STXBP5L: variants seen among roughly 807,000 people sequenced by gnomAD.
STXBP5L encodes syntaxin binding protein 5L, also known as syntaxin-binding protein 5-like.
STXBP5L carries 65 observed loss-of-function variants against 144.5 expected under a neutral mutation model. That is an observed-to-expected ratio of 0.45 (90% CI 0.37 to 0.55). The LOEUF (loss-of-function observed/expected upper bound fraction) is 0.55. STXBP5L is among the 20% of genes least tolerant of loss of function. The pLI, the probability that STXBP5L is intolerant of heterozygous loss-of-function variation, is 0.00. For synonymous variants in STXBP5L, 505 were observed against 469.6 expected (o/e 1.08, Z -0.97); for missense variants, 1,298 against 1,405.5 (o/e 0.92, Z 1.22).
At chr3:121,346,275 C>T (rs2044973946) in intron 20 of STXBP5L, among the ~76,000 whole-genome samples, 1 of 152,044 alleles carries the variant, frequency 6.6e-6, no homozygotes, top group Non-Finnish European at 1.5e-5. Context: ...CTACAAAGGA[C>T]ATGAACTCAT....
chr3:121,262,138 C>T (rs534177426), intron 18 of STXBP5L, among the ~76,000 whole-genome samples: 1 of 152,308 alleles, frequency 6.6e-6, no homozygotes, highest in South Asian at 2.1e-4. Flanking sequence ...AAGGCCCCAA[C>T]TCTTAATACC....
chr3:121,026,964 A>C (rs971747662), intron 3 of STXBP5L, among the ~76,000 whole-genome samples: 2 of 151,898 alleles, frequency 1.3e-5, no homozygotes, highest in Admixed American at 6.6e-5. Context: ...CTCTGAGTAG[A>C]CTTCTTTCTA....
intron 3 of STXBP5L, among the ~76,000 whole-genome samples, chr3:120,987,843 T>C (rs1942447363): frequency 6.6e-6 from 1 of 151,894 alleles, no homozygotes; most frequent in African/African-American, 2.4e-5. Context: ...TTCCTTTTAT[T>C]TGCTTTCTGG....
rs566220337 is a variant in STXBP5L at position 121,407,294 on chromosome 3, G to A, written c.2639G>A (p.Arg880Gln). The change falls in exon 23 of 27, where the codon CGA (arginine) becomes CAA (glutamine). Residue 880 changes from arginine (R) to glutamine (Q), a missense_variant. By Grantham distance (43) the Arg-to-Gln change is conservative. Coordinates refer to ENST00000471454, the MANE Select transcript of STXBP5L (RefSeq NM_001308330.2). ...GAVLTFSCMD[R>Q]MGGLMQPPYE... ...GTGCTAACATTCTCCTGTATGGACCGAATGGGTGGATTAATGCAACCGCCA... is the reference window on the plus strand; with the variant it reads ...GTGCTAACATTCTCCTGTATGGACCAAATGGGTGGATTAATGCAACCGCCA... 1.9e-5 allele frequency: 30 copies of A among 1,609,872 alleles called. No individual in the cohort carries two copies. The highest frequency in any genetic ancestry group is 6.7e-5 in the East Asian group (3 of 44,828).
At chr3:121,367,595 GTTTTTTTTTTT>G (rs57288480) in intron 20 of STXBP5L, among the ~76,000 whole-genome samples, 8 of 51,336 alleles carry the variant, frequency 1.6e-4, no homozygotes, top group Non-Finnish European at 2.5e-4. Flanking sequence ...TTCGACTCTT[GTTTTTTTTTTT>G]TTTTTTTTTT....
chr3:121,345,670 G>T (rs2044932703), intron 20 of STXBP5L, among the ~76,000 whole-genome samples: 1 of 152,034 alleles, frequency 6.6e-6, no homozygotes, highest in Non-Finnish European at 1.5e-5. Context: ...TCCAGCATCT[G>T]TTGTTTCCTG....
In STXBP5L at chr3:121,162,971, T is replaced by A. The variant is rs1215095433; in HGVS notation, c.877+5344T>A. ...AATAGGAATGCTTTTACACTGTTGG[T>A]GGGAGTGTAAATTAGTTCAACCATT... On this transcript the variant is annotated intron_variant, in intron 9 of 26. Transcript: ENST00000471454. 2.0e-5 allele frequency among the ~76,000 whole-genome samples: 3 copies of A among 152,138 alleles called. No homozygotes were observed. In the East Asian group the frequency reaches 5.8e-4, roughly 29 times the overall value.
intron 20 of STXBP5L, 121 bp downstream of exon 20, chr3:121,318,661 T>C (rs997812456): frequency 1.6e-6 from 1 of 616,658 alleles, no homozygotes; most frequent in African/African-American, 1.9e-5. Context: ...ATTCCATTCA[T>C]TAAATTTACT....
intron 22 of STXBP5L, among the ~76,000 whole-genome samples, chr3:121,399,230 G>T (rs2046810419): frequency 6.6e-6 from 1 of 152,124 alleles, no homozygotes; most frequent in Non-Finnish European, 1.5e-5. Flanking sequence ...TTACCCTGAT[G>T]CTTCTGAGCT....
At chr3:121,367,652 A>G (rs2045904235) in intron 20 of STXBP5L, among the ~76,000 whole-genome samples, 1 of 132,332 alleles carries the variant, frequency 7.6e-6, no homozygotes, top group South Asian at 2.3e-4. Flanking sequence ...CACCCAGAAT[A>G]GAATGTAGTG....
At chr3:120,990,758 G>C (rs1042953897) in intron 3 of STXBP5L, among the ~76,000 whole-genome samples, 1 of 152,162 alleles carries the variant, frequency 6.6e-6, no homozygotes, top group Admixed American at 6.5e-5. Flanking sequence ...AGATGATGCT[G>C]GGAAAACTGG....
intron 2 of STXBP5L, among the ~76,000 whole-genome samples, chr3:120,916,024 C>G (rs1246731144): frequency 6.6e-6 from 1 of 152,070 alleles, no homozygotes; most frequent in Non-Finnish European, 1.5e-5. Flanking sequence ...ATAAACTGTT[C>G]TCAGCCAACT....
intron 11 of STXBP5L, among the ~76,000 whole-genome samples, 176 bp downstream of exon 11, chr3:121,223,333 G>A (rs1242015308): frequency 6.6e-6 from 1 of 152,208 alleles, no homozygotes; most frequent in Admixed American, 6.6e-5. Context: ...TAACACAGAT[G>A]TAGTACAGCA....
At chr3:121,321,926 T>C (rs534861962) in intron 20 of STXBP5L, among the ~76,000 whole-genome samples, 51 of 152,190 alleles carry the variant, frequency 3.4e-4, no homozygotes, top group Non-Finnish European at 6.6e-4. Context: ...GAAGCCAAGG[T>C]TTGAGATACA....
chr3:121,031,486 G>T (rs1040561984), intron 3 of STXBP5L, among the ~76,000 whole-genome samples: 2 of 151,956 alleles, frequency 1.3e-5, no homozygotes, highest in African/African-American at 4.8e-5. Flanking sequence ...AATCTGTAGG[G>T]CAGGTTGGCA....
rs143068079 is a variant in STXBP5L, at chr3:120,961,162, T to C, written c.287+6125T>C. On this transcript the variant is annotated intron_variant, in intron 3 of 26. Coordinates refer to ENST00000471454, the MANE Select transcript of STXBP5L (RefSeq NM_001308330.2). ...GCCTTTGTATTTCTGTGGTATGAAA[T>C]ATAATATCTCCTTTTTAGTTTTTGA... is the stretch of plus-strand genomic sequence containing the variant. Among the ~76,000 whole-genome samples the C allele has an allele frequency of 5.7e-3, 861 of 151,126 alleles. 4 individuals are homozygous for C. The highest frequency in any genetic ancestry group is 8.9e-3 in the South Asian group (43 of 4,812).
chr3:121,058,904 T>C (rs191620285), intron 5 of STXBP5L, among the ~76,000 whole-genome samples: 2 of 152,350 alleles, frequency 1.3e-5, no homozygotes, highest in East Asian at 3.9e-4. Context: ...GCAAAAAATG[T>C]TCTCCCATTC....
chr3:121,179,356 A>C (rs1014886451), intron 9 of STXBP5L, among the ~76,000 whole-genome samples: 1 of 152,140 alleles, frequency 6.6e-6, no homozygotes, highest in Non-Finnish European at 1.5e-5. Flanking sequence ...AAAAATCAAA[A>C]TAGGCAAAAA....
At chr3:121,184,751 G>C (rs2047301437) in intron 9 of STXBP5L, among the ~76,000 whole-genome samples, 1 of 151,988 alleles carries the variant, frequency 6.6e-6, no homozygotes, top group East Asian at 1.9e-4. Flanking sequence ...GCAAACCCAA[G>C]ACACACAATT....
Sources: allele counts gnomAD v4.1 joint callset (sites outside exome capture counted in the v4.1 genomes callset), GRCh38; gene constraint gnomAD v4.1.1; transcripts MANE v1.5; gene names NCBI Gene and HGNC (gene_info 2026-07-23, HGNC 2026-07-21).